ACBD5: variants seen among roughly 807,000 people sequenced by gnomAD.
The protein encoded by ACBD5 is acyl-CoA-binding domain-containing protein 5.
A neutral mutation model predicts 71.8 loss-of-function variants in ACBD5; 40 were observed. That is an observed-to-expected ratio of 0.56 (90% CI 0.43 to 0.72). The LOEUF (loss-of-function observed/expected upper bound fraction) is 0.72. Among genes scored for constraint, ACBD5 ranks in the 30% least tolerant of loss-of-function variants. The pLI is 0.00. For missense variants in ACBD5, 559 were observed against 644.5 expected (o/e 0.87, Z 1.44); for synonymous variants, 229 against 218.6 (o/e 1.05, Z -0.42).
Position 27,197,282 on chromosome 10 carries a change from A to G in ACBD5, c.*148T>C. The G allele has an allele frequency of 1.3e-6, 1 of 745,430 alleles. No homozygotes were observed. Among genetic ancestry groups the G allele is most frequent in the Non-Finnish European group, 2.4e-6 (1 of 414,036 alleles). The allele number at this position is 745,430 out of a possible 1,614,324, so 46.2% of individuals were successfully genotyped here. A position where few individuals can be genotyped will look rare whatever the true frequency, so the allele number is the denominator to read the frequency against. On this transcript the variant is annotated 3_prime_UTR_variant, in exon 13 of 13. Transcript: ENST00000396271. ...ATCGTTTGTGTAGTGCAAAATATATATGTGTATATATGTACACAAACTAAA... is the reference window on the plus strand; with the variant it reads ...ATCGTTTGTGTAGTGCAAAATATATGTGTGTATATATGTACACAAACTAAA...
downstream of ACBD5, among the ~76,000 whole-genome samples, chr10:27,191,599 T>C (rs2059080794): frequency 6.6e-6 from 1 of 152,158 alleles, no homozygotes; most frequent in Admixed American, 6.5e-5. Flanking sequence ...TAAAAAAGTC[T>C]ATGGCCAGAT....
At chr10:27,202,170 T>G (rs768886996) in intron 12 of ACBD5, among the ~76,000 whole-genome samples, 5 of 152,174 alleles carry the variant, frequency 3.3e-5, no homozygotes, top group Admixed American at 1.3e-4. Flanking sequence ...AGATTAAAAA[T>G]TGCTAAACAA....
Position 27,223,321 on chromosome 10 carries a change from A to G in ACBD5, c.490+17T>C. The stretch of plus-strand genomic sequence containing the variant: ...TATATCAGTTGATGAATTTAAAAAT[A>G]GGTAAAATAGTCCAACCTGAGGTTA... On this transcript the variant is annotated intron_variant, in intron 5 of 12. Transcript: ENST00000396271. 6.4e-7 allele frequency: 1 copy of G among 1,555,092 alleles called. No homozygotes were observed. The highest frequency in any genetic ancestry group is 8.9e-7 in the Non-Finnish European group (1 of 1,126,266).
chr10:27,215,605 A>G lies in ACBD5; in HGVS notation c.866T>C (p.Ile289Thr). Residue 289 changes from isoleucine (I) to threonine (T), a missense_variant, in exon 8 of 13, where the codon ATT becomes ACT. Transcript: ENST00000396271. ...GTCTGAATCGCTTGTCAAATGCTGA[A>G]TTCCTGTAACATCTTCAACATGATC... Reference protein sequence around the residue: ...NDDHVEDVTGIQHLTSDSDSE... With the variant: ...NDDHVEDVTGTQHLTSDSDSE... 2 of 1,613,502 alleles carry G rather than the reference A, an allele frequency of 1.2e-6. No individual in the cohort carries two copies. Among genetic ancestry groups the G allele is most frequent in the South Asian group, 1.1e-5 (1 of 91,034 alleles).
chr10:27,219,117 CA>C (rs2062010391), intron 6 of ACBD5, among the ~76,000 whole-genome samples: 1 of 151,950 alleles, frequency 6.6e-6, no homozygotes, highest in South Asian at 2.1e-4. Flanking sequence ...GCCTGGTCAA[CA>C]TGGTGACATC....
chr10:27,230,627 T>C (rs1420672754), intron 4 of ACBD5, among the ~76,000 whole-genome samples: 1 of 151,948 alleles, frequency 6.6e-6, no homozygotes, highest in African/African-American at 2.4e-5. Context: ...TGAAATCCCG[T>C]CTGCACTAAA....
At chr10:27,187,674 C>T (rs1195100422) in intron 13 of ACBD5, among the ~76,000 whole-genome samples, 1 of 151,848 alleles carries the variant, frequency 6.6e-6, no homozygotes, top group African/African-American at 2.4e-5. Context: ...ATCGCTTGAA[C>T]CCAGGAGGTG....
chr10:27,228,922 G>A (rs1343287175), intron 4 of ACBD5, among the ~76,000 whole-genome samples: 3 of 146,404 alleles, frequency 2.0e-5, no homozygotes, highest in Non-Finnish European at 3.0e-5. Context: ...GGGTTCAAGC[G>A]ATTTTCCTGC....
rs377238425 is a variant in ACBD5 at position 27,223,401 on chromosome 10, T to A, written c.427A>T (p.Ile143Leu). 5.0e-6 allele frequency: 8 copies of A among 1,613,790 alleles called. No individual in the cohort carries two copies. The highest frequency in any genetic ancestry group is 4.0e-5 in the African/African-American group (3 of 74,950). Residue 143 changes from isoleucine to leucine, a missense_variant, in exon 5 of 13, where the codon ATA (isoleucine) becomes TTA (leucine). Physicochemically the swap from Ile to Leu is conservative, Grantham distance 5. Transcript: ENST00000396271. ...TEKVEELLRV[I>L]GPFYEIVEDK... is the part of the protein sequence containing the mutation. Reference sequence around the variant, plus strand: ...TCGACAATTTCATAAAATGGACCTATGACACGCAGCAATTCTTCAACTTTC... The same window carrying A: ...TCGACAATTTCATAAAATGGACCTAAGACACGCAGCAATTCTTCAACTTTC...
intron 8 of ACBD5, among the ~76,000 whole-genome samples, chr10:27,214,522 T>C (rs916224240): frequency 6.6e-6 from 1 of 151,940 alleles, no homozygotes; most frequent in Non-Finnish European, 1.5e-5. Flanking sequence ...CATGAATATA[T>C]ATACCTATGT....
At chr10:27,210,747 G>C (rs531637946) in intron 9 of ACBD5, 67 bp downstream of exon 9, 22 of 1,607,376 alleles carry the variant, frequency 1.4e-5, no homozygotes, top group Non-Finnish European at 1.6e-5. Flanking sequence ...GACAGAGCGC[G>C]AGACTCCATC....
rs1483424992 is a variant in ACBD5, at chr10:27,240,621, G to T, written c.15+53C>A. The T allele has an allele frequency of 6.4e-7, 1 of 1,550,668 alleles. No homozygotes were observed. Among genetic ancestry groups the T allele is most frequent in the Non-Finnish European group, 8.7e-7 (1 of 1,146,814 alleles). On this transcript the variant is annotated intron_variant, in intron 1 of 12. Coordinates refer to ENST00000396271, the MANE Select transcript of ACBD5 (RefSeq NM_145698.5). This position sits in a 1 kb window ranked among gnomAD's most constrained non-coding sequence, Gnocchi z 4.1. ...CGGCCCGGCTCCTTCCTCCTCCCCC[G>T]GGGCGTGACTAAGGCCACGAATCCG...
intron 4 of ACBD5, among the ~76,000 whole-genome samples, chr10:27,229,214 A>G (rs931502195): frequency 1.3e-5 from 2 of 152,138 alleles, no homozygotes; most frequent in African/African-American, 4.8e-5. Context: ...AAACATCATT[A>G]TAAAATATAG....
intron 13 of ACBD5, among the ~76,000 whole-genome samples, chr10:27,189,767 AAAAT>A (rs2058998561): frequency 2.8e-5 from 2 of 71,572 alleles, no homozygotes; most frequent in South Asian, 3.9e-4. Context: ...AAGTATAATA[AAAAT>A]ATATATATAT....
At chr10:27,184,097 T>A (rs965289215) in intron 13 of ACBD5, among the ~76,000 whole-genome samples, 2 of 152,162 alleles carry the variant, frequency 1.3e-5, no homozygotes, top group African/African-American at 4.8e-5. Context: ...GGGAATACCC[T>A]AGGGATGATC....
chr10:27,234,825 A>G (rs2064424819), intron 3 of ACBD5, among the ~76,000 whole-genome samples: 1 of 152,166 alleles, frequency 6.6e-6, no homozygotes, highest in Admixed American at 6.5e-5. Context: ...CCACCTACTC[A>G]GGAAGATGAG....
At chr10:27,217,178 G>A (rs74401765) in intron 7 of ACBD5, among the ~76,000 whole-genome samples, 3 of 145,692 alleles carry the variant, frequency 2.1e-5, no homozygotes, top group South Asian at 2.2e-4. Flanking sequence ...TTTCTCGGCC[G>A]GGCGCGTTGC....
At chr10:27,209,129 T>C (rs933817336) in intron 9 of ACBD5, among the ~76,000 whole-genome samples, 1 of 151,966 alleles carries the variant, frequency 6.6e-6, no homozygotes, top group African/African-American at 2.4e-5. Flanking sequence ...CTCCCCATGT[T>C]ACCCAGACTG....
Position 27,197,452 on chromosome 10 carries a change from G to T in ACBD5, c.1566-10C>A. ...TCCTCAGTTCAGTTTTCTTTAAAAA[G>T]AAAATAAAAACCAATTTCCTGTGAG... On this transcript the variant is annotated splice_polypyrimidine_tract_variant and intron_variant, in intron 12 of 12. Coordinates refer to ENST00000396271, the MANE Select transcript of ACBD5 (RefSeq NM_145698.5). 6.2e-7 allele frequency: 1 copy of T among 1,601,432 alleles called. No individual in the cohort carries two copies. The highest frequency in any genetic ancestry group is 8.5e-7 in the Non-Finnish European group (1 of 1,171,828).
Sources: gnomAD v4.1 joint callset for allele counts (sites outside exome capture counted in the v4.1 genomes callset) on GRCh38, gnomAD v4.1.1 for gene constraint, Gnocchi (gnomAD v3.1) non-coding constraint, MANE v1.5 for transcripts, NCBI Gene and HGNC (gene_info 2026-07-23, HGNC 2026-07-21) for gene names.